LRRTM4: variants seen among roughly 807,000 people sequenced by gnomAD.
LRRTM4 encodes leucine rich repeat transmembrane neuronal 4, also known as leucine-rich repeat transmembrane neuronal protein 4.
In LRRTM4, 25 loss-of-function variants were observed where a neutral mutation model predicts 47.6. The ratio of observed to expected loss-of-function variants is 0.53; its 90% CI spans 0.38 to 0.73. The LOEUF (loss-of-function observed/expected upper bound fraction) is 0.73, where lower values mean the gene tolerates loss of function less well. Ranked by LOEUF, LRRTM4 falls within the 30% of genes least tolerant of loss-of-function variation. LRRTM4 has a pLI of 0.00. For missense variants in LRRTM4, 638 were observed against 713.4 expected (o/e 0.89, Z 1.20); for synonymous variants, 311 against 269.5 (o/e 1.15, Z -1.51).
intron 3 of LRRTM4, among the ~76,000 whole-genome samples, chr2:77,199,382 G>T (rs564752751): frequency 6.6e-6 from 1 of 152,168 alleles, no homozygotes; most frequent in Admixed American, 6.5e-5. Flanking sequence ...ATCAGGAATT[G>T]ATCTTAGATA....
intron 3 of LRRTM4, among the ~76,000 whole-genome samples, chr2:77,450,662 CA>C (rs898547490): frequency 2.0e-5 from 3 of 151,344 alleles, no homozygotes; most frequent in African/African-American, 7.3e-5. Context: ...CCTGATCTGC[CA>C]AAAAAAACTA....
chr2:76,796,977 A>ATCTACATC (rs937840623), intron 3 of LRRTM4, among the ~76,000 whole-genome samples: 3 of 152,148 alleles, frequency 2.0e-5, no homozygotes, highest in African/African-American at 7.2e-5. Context: ...AAAAGACCAA[A>ATCTACATC]TCTACATCTG....
chr2:77,334,744 C>T (rs1183261672), intron 3 of LRRTM4, among the ~76,000 whole-genome samples: 1 of 152,174 alleles, frequency 6.6e-6, no homozygotes, highest in Non-Finnish European at 1.5e-5. Context: ...TCTTCATTCT[C>T]TACAATTTCT....
chr2:77,059,643 T>C (rs903965459), intron 3 of LRRTM4, among the ~76,000 whole-genome samples: 1 of 152,158 alleles, frequency 6.6e-6, no homozygotes, highest in African/African-American at 2.4e-5. Context: ...ACTATTCTGT[T>C]ATGGGCATGT....
chr2:77,238,244 T>C (rs1215226647), intron 3 of LRRTM4, among the ~76,000 whole-genome samples: 1 of 152,168 alleles, frequency 6.6e-6, no homozygotes, highest in Non-Finnish European at 1.5e-5. Context: ...TATAATATCA[T>C]GTTGTAAGCC....
intron 3 of LRRTM4, among the ~76,000 whole-genome samples, chr2:77,376,973 T>C (rs1672864419): frequency 6.6e-6 from 1 of 151,912 alleles, no homozygotes; most frequent in African/African-American, 2.4e-5. Context: ...TCTCCATATG[T>C]TTATATTTAT....
intron 3 of LRRTM4, among the ~76,000 whole-genome samples, chr2:77,289,225 C>T (rs890285564): frequency 2.6e-5 from 4 of 151,454 alleles, no homozygotes; most frequent in African/African-American, 9.7e-5. Flanking sequence ...GCCCTTTATC[C>T]TTTTTTTTGT....
intron 3 of LRRTM4, among the ~76,000 whole-genome samples, chr2:77,463,335 TA>T (rs1323699850): frequency 2.6e-5 from 4 of 152,228 alleles, no homozygotes; most frequent in Admixed American, 2.0e-4. Flanking sequence ...CACATGATTG[TA>T]AATAACAAAA....
At chr2:76,919,997 TAA>T (rs1340538542) in intron 3 of LRRTM4, among the ~76,000 whole-genome samples, 5 of 152,126 alleles carry the variant, frequency 3.3e-5, no homozygotes, top group Non-Finnish European at 2.9e-5. Context: ...TACTTCCAAT[TAA>T]GCTAGCCCAG....
chr2:76,753,645 T>A (rs1470163287), intron 3 of LRRTM4, among the ~76,000 whole-genome samples: 1 of 152,268 alleles, frequency 6.6e-6, no homozygotes, highest in Non-Finnish European at 1.5e-5. Flanking sequence ...AGAGAGCGTA[T>A]TTTTCAATGT....
chr2:76,806,385 C>G (rs76516201), intron 3 of LRRTM4, among the ~76,000 whole-genome samples: 7,525 of 152,042 alleles, frequency 0.049, 408 homozygotes, highest in African/African-American at 0.12. Context: ...AGTTCGAGAC[C>G]AGCCTAACCA....
chr2:77,241,651 A>T (rs1027472411), intron 3 of LRRTM4, among the ~76,000 whole-genome samples: 1 of 152,132 alleles, frequency 6.6e-6, no homozygotes, highest in African/African-American at 2.4e-5. Context: ...TTATCTTTGA[A>T]TATACATAAT....
intron 3 of LRRTM4, among the ~76,000 whole-genome samples, chr2:77,135,499 A>G (rs1380501827): frequency 6.6e-6 from 1 of 152,186 alleles, no homozygotes; most frequent in Non-Finnish European, 1.5e-5. Flanking sequence ...TTAAATATCA[A>G]TGTTATCAGT....
chr2:77,272,979 T>C (rs764275046), intron 3 of LRRTM4, among the ~76,000 whole-genome samples: 89 of 152,300 alleles, frequency 5.8e-4, no homozygotes, highest in Non-Finnish European at 1.0e-3. Flanking sequence ...AAGTCATGTA[T>C]TTTAGAGTAC....
At chr2:77,017,561 C>T (rs1022725812) in intron 3 of LRRTM4, among the ~76,000 whole-genome samples, 11 of 152,258 alleles carry the variant, frequency 7.2e-5, no homozygotes, top group African/African-American at 1.9e-4. Context: ...ACATCTCTCA[C>T]GTGTTTGTGT....
chr2:77,074,119 A>T (rs1201820619), intron 3 of LRRTM4, among the ~76,000 whole-genome samples: 1 of 152,100 alleles, frequency 6.6e-6, no homozygotes, highest in African/African-American at 2.4e-5. Context: ...TGCAATTTTA[A>T]ATGTCTTAAT....
Position 77,432,345 on chromosome 2 carries a change from C to T in LRRTM4, c.1551+85973G>A, listed in dbSNP as rs542384085. Among the ~76,000 whole-genome samples, 7 of 152,160 alleles carry T rather than the reference C, an allele frequency of 4.6e-5. No homozygotes were observed. In the East Asian group the frequency reaches 1.4e-3, roughly 30 times the overall value. ...TCACCTCTTGACACTGTTACATCGTCGATTAGCTTTCAACATATTAATTTA... is the reference window on the plus strand; with the variant it reads ...TCACCTCTTGACACTGTTACATCGTTGATTAGCTTTCAACATATTAATTTA... On this transcript the variant is annotated intron_variant, in intron 3 of 3. Transcript: ENST00000409884.
At position 77,519,632 on chromosome 2, in the gene LRRTM4, AT is replaced by A; in HGVS notation, c.236del (p.Asn79IlefsTer33). On this transcript the variant is annotated frameshift_variant, in exon 3 of 4. Coordinates refer to ENST00000409884, the MANE Select transcript of LRRTM4 (RefSeq NM_001134745.3). LOFTEE classifies it high-confidence loss of function. This position sits in a 1 kb window ranked among gnomAD's most constrained non-coding sequence, Gnocchi z 4.6. Reference protein sequence around the residue: ...RFNSIQKLKSNQFAGLNQLIW... With the variant: ...RFNSIQKLKSXQFAGLNQLIW... Reference sequence around the variant, plus strand: ...TAAGCTGGTTAAGGCCGGCAAACTGATTGGATTTGAGCTTCTGAATGCTGTT... The same window carrying A: ...TAAGCTGGTTAAGGCCGGCAAACTGATGGATTTGAGCTTCTGAATGCTGTT... 6.2e-7 allele frequency: 1 copy of A among 1,613,490 alleles called. No homozygotes were observed. Among genetic ancestry groups the A allele is most frequent in the Non-Finnish European group, 8.5e-7 (1 of 1,179,644 alleles).
In LRRTM4 at chr2:76,759,147, G is replaced by A. The variant is rs148664563; in HGVS notation, c.1552-10231C>T. 1.4e-4 allele frequency among the ~76,000 whole-genome samples: 21 copies of A among 152,190 alleles called. 1 individual carries two copies. The highest frequency in any genetic ancestry group is 5.1e-4 in the African/African-American group (21 of 41,522). On this transcript the variant is annotated intron_variant, in intron 3 of 3. Transcript: ENST00000409884. ...GGGTATATAAAGAAGAATAAAGTAA[G>A]GGTGCTGTACTCAAGGAGTTTATTA...
Sources: allele counts gnomAD v4.1 joint callset (sites outside exome capture counted in the v4.1 genomes callset), GRCh38; gene constraint gnomAD v4.1.1; non-coding constraint Gnocchi (gnomAD v3.1); transcripts MANE v1.5; gene names NCBI Gene and HGNC (gene_info 2026-07-23, HGNC 2026-07-21).